The following APC variants were observed in gnomAD, a reference collection of about 807,000 sequenced individuals.
APC encodes APC regulator of Wnt signaling pathway.
Under a neutral mutation model 247.0 loss-of-function variants are expected in APC, and 72 were observed. The observed-to-expected ratio is 0.29, with a 90% CI of 0.24 to 0.35. The LOEUF is 0.35. Ranked by LOEUF, APC falls within the 10% of genes least tolerant of loss-of-function variation. The probability of loss-of-function intolerance (pLI) is 1.00; values close to 1 mark genes in which losing one functional copy is unlikely to be tolerated. For missense variants in APC, 3,400 were observed against 3,360.7 expected (o/e 1.01, Z -0.29); for synonymous variants, 1,254 against 1,162.5 (o/e 1.08, Z -1.60).
At chr5:112,814,229 G>T (rs575575567) in intron 8 of APC, among the ~76,000 whole-genome samples, 17 of 152,114 alleles carry the variant, frequency 1.1e-4, no homozygotes, top group Non-Finnish European at 5.9e-5. Context: ...TTAATGAATG[G>T]ATTTAGCTGT....
At position 112,842,932 on chromosome 5, in the gene APC, A is replaced by G. The variant is rs887554004; in HGVS notation, c.7338A>G (p.Glu2446=). Reference sequence around the variant, plus strand: ...TACGCCAGTCAACTTTCATCAAAGAAGCTCCAAGCCCAACCTTAAGAAGAA... The same window carrying G: ...TACGCCAGTCAACTTTCATCAAAGAGGCTCCAAGCCCAACCTTAAGAAGAA... ...VLVRQSTFIK[E]APSPTLRRKL... Residue 2446 remains glutamate (E), a synonymous_variant, in exon 16 of 16, where the codon GAA becomes GAG. Coordinates refer to ENST00000257430, the MANE Select transcript of APC (RefSeq NM_000038.6). 1 of 1,614,046 alleles carries G rather than the reference A, an allele frequency of 6.2e-7. No homozygotes were observed.
chr5:112,734,088 G>A (rs1243994653), upstream of APC, among the ~76,000 whole-genome samples: 2 of 152,172 alleles, frequency 1.3e-5, no homozygotes, highest in Non-Finnish European at 2.9e-5. Flanking sequence ...AGCACCTTGC[G>A]AGGCCAAGGC....
At chr5:112,792,369 T>G (rs1410929469) in intron 6 of APC, 77 bp from the exon 7 acceptor site, 1 of 958,112 alleles carries the variant, frequency 1.0e-6, no homozygotes, top group African/African-American at 1.6e-5. Flanking sequence ...AGCTTTTAAG[T>G]GGTAGCCATA....
exon 1 of APC, chr5:112,707,690 G>GA (rs1244344657): frequency 7.3e-7 from 1 of 1,370,654 alleles, no homozygotes; most frequent in South Asian, 1.2e-5. Context: ...GAAGCACTCA[G>GA]TTGCCTTCTC....
intron 1 of APC, among the ~76,000 whole-genome samples, chr5:112,738,935 T>C (rs1752658495): frequency 6.6e-6 from 1 of 152,234 alleles, no homozygotes. Flanking sequence ...GATCTTTTCT[T>C]TTGTTAGTGA....
intron 7 of APC, among the ~76,000 whole-genome samples, chr5:112,801,044 A>G (rs1350318664): frequency 6.6e-6 from 1 of 152,082 alleles, no homozygotes; most frequent in African/African-American, 2.4e-5. Flanking sequence ...AGTCTCAGAA[A>G]ATCCTTTGTC....
intron 14 of APC, 40 bp from the exon 15 acceptor site, chr5:112,834,911 C>G (rs1208862869): frequency 1.9e-6 from 3 of 1,561,908 alleles, no homozygotes; most frequent in Non-Finnish European, 2.6e-6. Flanking sequence ...GAGACAAATT[C>G]CAACTCTAAT....
At chr5:112,735,385 C>T (rs1374967506), upstream of APC, among the ~76,000 whole-genome samples, 5 of 151,894 alleles carry the variant, frequency 3.3e-5, no homozygotes, top group Admixed American at 3.3e-4. Flanking sequence ...GCCATGTTGC[C>T]CATGCTGGTC....
In APC at chr5:112,808,754, T is replaced by G. The variant is rs1219536140; in HGVS notation, c.835-6741T>G. The stretch of plus-strand genomic sequence containing the variant: ...GAGTGTCCCATACTCTAGATTTTGC[T>G]GATGACTCCCCATGATATACTTCAA... On this transcript the variant is annotated intron_variant, in intron 8 of 15. Transcript: ENST00000257430. Among the ~76,000 whole-genome samples, 3 of 152,204 alleles carry G rather than the reference T, an allele frequency of 2.0e-5. No homozygotes were observed. In the East Asian group the frequency reaches 5.8e-4, roughly 29 times the overall value.
chr5:112,820,905 A>T (rs955991620), intron 10 of APC, among the ~76,000 whole-genome samples: 1 of 152,108 alleles, frequency 6.6e-6, no homozygotes, highest in African/African-American at 2.4e-5. Flanking sequence ...ACAAGCGCCC[A>T]GACTGTAATG....
In APC at chr5:112,826,674, CA is replaced by C. The variant is rs796620960; in HGVS notation, c.1409-422del. Among the ~76,000 whole-genome samples, 883 of 126,560 alleles carry C rather than the reference CA, an allele frequency of 7.0e-3. 6 individuals are homozygous for C. Among genetic ancestry groups the C allele is most frequent in the Middle Eastern group, 0.012 (3 of 258 alleles). The allele number at this position is 126,560 out of a possible 152,430, so 83.0% of individuals were successfully genotyped here. The stretch of plus-strand genomic sequence containing the variant: ...CGTATTCCTAAGGGTAATTATTTGC[CA>C]AAAAAAAAAAATTAAAGTAGTTAGG... On this transcript the variant is annotated intron_variant, in intron 11 of 15. Coordinates refer to ENST00000257430, the MANE Select transcript of APC (RefSeq NM_000038.6).
At chr5:112,798,212 T>G (rs1225365124) in intron 7 of APC, among the ~76,000 whole-genome samples, 1 of 152,224 alleles carries the variant, frequency 6.6e-6, no homozygotes, top group Non-Finnish European at 1.5e-5. Context: ...TAAACAAAAT[T>G]TGTTATATCC....
chr5:112,733,626 AC>A (rs1298561157), upstream of APC, among the ~76,000 whole-genome samples: 1 of 152,206 alleles, frequency 6.6e-6, no homozygotes, highest in African/African-American at 2.4e-5. Context: ...CCCTGCAGAC[AC>A]CTTGGTTTTA....
intron 9 of APC, among the ~76,000 whole-genome samples, chr5:112,817,467 G>A (rs1456758429): frequency 6.6e-6 from 1 of 151,978 alleles, no homozygotes; most frequent in Non-Finnish European, 1.5e-5. Flanking sequence ...CTTATCTCTG[G>A]TCCTCTCCAA....
In APC at chr5:112,827,098, T is replaced by G. The variant is rs757683347; in HGVS notation, c.1409-10T>G. On this transcript the variant is annotated splice_polypyrimidine_tract_variant and intron_variant, in intron 11 of 15. Transcript: ENST00000257430. The stretch of plus-strand genomic sequence containing the variant: ...TGATTGTCTTTTTCCTCTTGCCCTT[T>G]TTAAATTAGGGGGACTACAGGCCAT... 2.5e-6 allele frequency: 4 copies of G among 1,613,522 alleles called. No homozygotes were observed. The highest frequency in any genetic ancestry group is 2.2e-5 in the South Asian group (2 of 91,054).
chr5:112,771,804 G>T (rs1014670523), intron 4 of APC, among the ~76,000 whole-genome samples: 3 of 151,410 alleles, frequency 2.0e-5, no homozygotes, highest in African/African-American at 4.9e-5. Context: ...TTTCTTTCTA[G>T]ACCTTCTTAA....
Position 112,840,036 on chromosome 5 carries a change from T to C in APC, c.4442T>C (p.Val1481Ala), listed in dbSNP as rs1561592535. The C allele has an allele frequency of 1.9e-6, 3 of 1,614,112 alleles. No individual in the cohort carries two copies. The African/African-American group carries it at 4.0e-5, about 22-fold the overall frequency. Residue 1481 changes from valine to alanine, a missense_variant, in exon 16 of 16, where the codon GTT becomes GCT. This residue lies in a region of APC where 1,788 missense variants were observed against 1,649.5 expected (regional missense o/e 1.08). Coordinates refer to ENST00000257430, the MANE Select transcript of APC (RefSeq NM_000038.6). The surrounding 1 kb of genome is among the most constrained non-coding windows in gnomAD (Gnocchi z 4.1). ...AATGCTGCAGTTCAGAGGGTCCAGG[T>C]TCTTCCAGATGCTGATACTTTATTA... ...AVNAAVQRVQ[V>A]LPDADTLLHF...
At chr5:112,751,976 A>G (rs1039457745) in intron 1 of APC, among the ~76,000 whole-genome samples, 6 of 152,204 alleles carry the variant, frequency 3.9e-5, no homozygotes, top group Non-Finnish European at 7.4e-5. Flanking sequence ...TTTGGCATGA[A>G]CATATGATTT....
At position 112,816,509 on chromosome 5, in the gene APC, T is replaced by G. The variant is rs17134960; in HGVS notation, c.933+916T>G. On this transcript the variant is annotated intron_variant, in intron 9 of 15. Coordinates refer to ENST00000257430, the MANE Select transcript of APC (RefSeq NM_000038.6). ...AATGTTTGAAAAGAAAATAGTTACT[T>G]TAAGCCGGATGTGGTGGCTCACACC... Among the ~76,000 whole-genome samples the G allele has an allele frequency of 0.12, 17,775 of 152,128 alleles. 1,099 individuals carry two copies. The highest frequency in any genetic ancestry group is 0.16 in the African/African-American group (6,824 of 41,522).
Sources: gnomAD v4.1 joint callset for allele counts (sites outside exome capture counted in the v4.1 genomes callset) on GRCh38, gnomAD v4.1.1 for gene constraint, gnomAD v4.1.1 regional missense constraint, Gnocchi (gnomAD v3.1) non-coding constraint, MANE v1.5 for transcripts, NCBI Gene and HGNC (gene_info 2026-07-23, HGNC 2026-07-21) for gene names.